The following SYT4 variants were observed in gnomAD, a reference collection of about 807,000 sequenced individuals.
SYT4 encodes synaptotagmin 4, also known as synaptotagmin-4.
Under a neutral mutation model 32.9 loss-of-function variants are expected in SYT4, and 7 were observed. The ratio of observed to expected loss-of-function variants is 0.21; its 90% CI spans 0.12 to 0.40. The LOEUF (loss-of-function observed/expected upper bound fraction) is 0.40. Ranked by LOEUF, SYT4 falls within the 10% of genes least tolerant of loss-of-function variation. The pLI is 1.00. For missense variants in SYT4, 480 were observed against 488.0 expected, an observed-to-expected ratio of 0.98 and a Z score of 0.16; for synonymous variants, 205 against 186.2, an observed-to-expected ratio of 1.10 and a Z score of -0.82.
rs1438046074 is a variant in SYT4 at position 43,271,842 on chromosome 18, G to A, written c.850-10C>T. On this transcript the variant is annotated splice_polypyrimidine_tract_variant and intron_variant, in intron 2 of 3. Coordinates refer to ENST00000255224, the MANE Select transcript of SYT4 (RefSeq NM_020783.4). ...CCCGTCCTGAAGACTTCTGCAGAAA[G>A]AGAAATGTGATATAAGTATTTCTAT... is the stretch of plus-strand genomic sequence containing the variant. The A allele has an allele frequency of 5.0e-6, 8 of 1,609,572 alleles. No individual in the cohort carries two copies. Among genetic ancestry groups the A allele is most frequent in the Non-Finnish European group, 6.8e-6 (8 of 1,177,344 alleles).
rs771464914 is a variant in SYT4 at position 43,273,612 on chromosome 18, T to G, written c.817A>C (p.Met273Leu). The G allele has an allele frequency of 2.5e-6, 4 of 1,612,788 alleles. No individual in the cohort carries two copies. The highest frequency in any genetic ancestry group is 3.4e-6 in the Non-Finnish European group (4 of 1,179,386). Residue 273 changes from methionine to leucine, a missense_variant, in exon 2 of 4, where the codon ATG (methionine) becomes CTG (leucine). Coordinates refer to ENST00000255224, the MANE Select transcript of SYT4 (RefSeq NM_020783.4). ...GIELSEGKML[M>L]NREIIKRNVR... is the part of the protein sequence containing the mutation. ...TTTCTCTTGATGATCTCTCTATTCA[T>G]TAACATTTTTCCTTCAGATAATTCA... is the stretch of plus-strand genomic sequence containing the variant.
chr18:43,271,632 A>G, intron 3 of SYT4, 80 bp downstream of exon 3: 1 of 1,555,066 alleles, frequency 6.4e-7, no homozygotes, highest in South Asian at 1.2e-5. Flanking sequence ...AAGATAGAAG[A>G]GTAAGAGTAG....
chr18:43,270,349 C>A lies in SYT4; in HGVS notation c.1270G>T (p.Asp424Tyr), dbSNP rs1487634590. ...AACTCACGGCTAGGATGCTAACCAT[C>A]ACAGAGCACGTGCCACTTGGCAATT... Reference protein sequence around the residue: ...RQIAKWHVLCDG With the variant: ...RQIAKWHVLCYG The change falls in exon 4 of 4, where the codon GAT (aspartate) becomes TAT (tyrosine). Residue 424 changes from aspartate (D) to tyrosine (Y), a missense_variant. Asp to Tyr is a radical substitution (Grantham distance 160, BLOSUM62 -3). Coordinates refer to ENST00000255224, the MANE Select transcript of SYT4 (RefSeq NM_020783.4). 1.9e-6 allele frequency: 3 copies of A among 1,613,758 alleles called. No individual in the cohort carries two copies. The African/African-American group carries it at 4.0e-5, about 22-fold the overall frequency.
In SYT4 at chr18:43,268,387, G is replaced by A. The variant is rs1003411786; in HGVS notation, c.*1954C>T. ...ATCCATTTTAATTTTAAAAATGTTT[G>A]TTGTTGGTTTCATTGTTCCATGTTA... On this transcript the variant is annotated 3_prime_UTR_variant, in exon 4 of 4. Transcript: ENST00000255224. 7.2e-6 allele frequency: 1 copy of A among 138,250 alleles called. No homozygotes were observed. The highest frequency in any genetic ancestry group is 8.0e-5 in the Admixed American group (1 of 12,480). 8.6% of individuals were successfully genotyped at this position (138,250 alleles called of 1,614,324 possible). A position where few individuals can be genotyped will look rare whatever the true frequency, so the allele number is the denominator to read the frequency against.
At position 43,270,505 on chromosome 18, in the gene SYT4, C is replaced by T. The variant is rs1908596166; in HGVS notation, c.1114G>A (p.Val372Ile). 4 of 1,614,066 alleles carry T rather than the reference C, an allele frequency of 2.5e-6. No homozygotes were observed. The highest frequency in any genetic ancestry group is 3.4e-6 in the Non-Finnish European group (4 of 1,179,976). ...TCAGAATCCAAAACCAAAAATTCAA[C>T]ACTTATATCTTCAAGGCCCTCACAA... ...IPCEGLEDIS[V>I]EFLVLDSERG... Residue 372 changes from valine to isoleucine, a missense_variant, in exon 4 of 4, where the codon GTT (valine) becomes ATT (isoleucine). Physicochemically the swap from Val to Ile is conservative, Grantham distance 29 (BLOSUM62 3). Coordinates refer to ENST00000255224, the MANE Select transcript of SYT4 (RefSeq NM_020783.4).
At position 43,270,276 on chromosome 18, in the gene SYT4, TAGAA is replaced by T. The variant is rs1351938408; in HGVS notation, c.*61_*64del. 1.3e-6 allele frequency: 2 copies of T among 1,539,214 alleles called. No individual in the cohort carries two copies. Among genetic ancestry groups the T allele is most frequent in the East Asian group, 4.5e-5 (2 of 44,208 alleles). ...GATTTCCCAAGCTTGCAATCCAATA[TAGAA>T]AGAAAGAAAATTTCTCCTTGCCTAG... On this transcript the variant is annotated 3_prime_UTR_variant, in exon 4 of 4. Coordinates refer to ENST00000255224, the MANE Select transcript of SYT4 (RefSeq NM_020783.4).
chr18:43,267,917 TGTCTTACAAACATG>T lies in SYT4; in HGVS notation c.*2410_*2423del, dbSNP rs987430882. On this transcript the variant is annotated 3_prime_UTR_variant, in exon 4 of 4. Coordinates refer to ENST00000255224, the MANE Select transcript of SYT4 (RefSeq NM_020783.4). Reference sequence around the variant, plus strand: ...TTGGGCAAAAGCAGCAATTTATTCATGTCTTACAAACATGGTCTTACAAACATCATACAGAGCTG... The same window carrying T: ...TTGGGCAAAAGCAGCAATTTATTCATGTCTTACAAACATCATACAGAGCTG... The T allele has an allele frequency of 4.6e-5, 7 of 152,216 alleles. No homozygotes were observed. The highest frequency in any genetic ancestry group is 2.6e-4 in the Admixed American group (4 of 15,278). 9.4% of individuals were successfully genotyped at this position (152,216 alleles called of 1,614,324 possible).
intron 2 of SYT4, chr18:43,272,128 A>C (rs1391757383): frequency 1.1e-5 from 2 of 180,598 alleles, no homozygotes; most frequent in Non-Finnish European, 2.3e-5. Flanking sequence ...TATCCTACAC[A>C]GGATTATTTT....
chr18:43,270,880 G>A (rs1908608700), intron 3 of SYT4, among the ~76,000 whole-genome samples: 1 of 151,770 alleles, frequency 6.6e-6, no homozygotes, highest in Non-Finnish European at 1.5e-5. Context: ...GAGAATAAGG[G>A]AAAAAATTAA....
Position 43,277,242 on chromosome 18 carries a change from G to T in SYT4, c.34+6C>A. The T allele has an allele frequency of 6.2e-7, 1 of 1,613,980 alleles. No individual in the cohort carries two copies. Among genetic ancestry groups the T allele is most frequent in the Middle Eastern group, 1.6e-4 (1 of 6,062 alleles). ...ACCGCAGTCATAAGTTCAGTAACTTGCTTACCAAATTCTTCCCGGCTGGTG... is the reference window on the plus strand; with the variant it reads ...ACCGCAGTCATAAGTTCAGTAACTTTCTTACCAAATTCTTCCCGGCTGGTG... On this transcript the variant is annotated splice_donor_region_variant and intron_variant, in intron 1 of 3. Coordinates refer to ENST00000255224, the MANE Select transcript of SYT4 (RefSeq NM_020783.4).
Position 43,271,762 on chromosome 18 carries a change from A to G in SYT4, c.920T>C (p.Val307Ala), listed in dbSNP as rs1329159879. Residue 307 changes from valine (V) to alanine (A), a missense_variant, in exon 3 of 4, where the codon GTT becomes GCT. Val to Ala is a moderately conservative substitution (Grantham distance 64). Transcript: ENST00000255224. Reference protein sequence around the residue: ...YQSTTNTLTVVVLKARHLPKS... With the variant: ...YQSTTNTLTVAVLKARHLPKS... ...AGGCAGATGTCGAGCTTTTAAGACA[A>G]CCACAGTTAGAGTGTTTGTGGTGGA... 3 of 1,613,246 alleles carry G rather than the reference A, an allele frequency of 1.9e-6. No homozygotes were observed. Among genetic ancestry groups the G allele is most frequent in the Non-Finnish European group, 2.5e-6 (3 of 1,179,340 alleles).
At chr18:43,272,884 T>C (rs1368644074) in intron 2 of SYT4, among the ~76,000 whole-genome samples, 2 of 152,208 alleles carry the variant, frequency 1.3e-5, no homozygotes, top group Admixed American at 6.5e-5. Flanking sequence ...AGTATGTCTA[T>C]TGATTTTTAT....
intron 2 of SYT4, among the ~76,000 whole-genome samples, chr18:43,272,713 C>G (rs1186320945): frequency 1.3e-5 from 2 of 152,038 alleles, no homozygotes; most frequent in African/African-American, 2.4e-5. Flanking sequence ...GAAGAAAGAT[C>G]CTTATTCCCA....
At chr18:43,274,499 T>C (rs970825426) in intron 1 of SYT4, 105 bp from the exon 2 acceptor site, 7 of 874,528 alleles carry the variant, frequency 8.0e-6, no homozygotes, top group Non-Finnish European at 1.2e-5. Flanking sequence ...GTTGGATAGA[T>C]TGAATTACTT....
rs1396071226 is a variant in SYT4, at chr18:43,273,646, G to C, written c.783C>G (p.Leu261=). ...TTCCTTCAGATAATTCAATTCCCGA[G>C]AGAGGAATTAGAACTTCCCCAATGA... The part of the protein sequence containing the change: ...DDIIGEVLIP[L]SGIELSEGKM... The change falls in exon 2 of 4, where the codon CTC becomes CTG. Residue 261 remains leucine, a synonymous_variant. Coordinates refer to ENST00000255224, the MANE Select transcript of SYT4 (RefSeq NM_020783.4). 4 of 1,613,520 alleles carry C rather than the reference G, an allele frequency of 2.5e-6. No individual in the cohort carries two copies. Among genetic ancestry groups the C allele is most frequent in the African/African-American group, 1.3e-5 (1 of 74,876 alleles).
At chr18:43,271,194 T>C (rs554404075) in intron 3 of SYT4, among the ~76,000 whole-genome samples, 101 of 152,302 alleles carry the variant, frequency 6.6e-4, no homozygotes, top group African/African-American at 2.4e-3. Context: ...CTCTGTGTCA[T>C]TGTTAGTATG....
intron 1 of SYT4, among the ~76,000 whole-genome samples, chr18:43,275,797 G>T (rs1189879783): frequency 6.6e-6 from 1 of 151,964 alleles, no homozygotes; most frequent in African/African-American, 2.4e-5. Flanking sequence ...GTGGAAAAAA[G>T]AAACAGTGAC....
intron 1 of SYT4, 71 bp downstream of exon 1, chr18:43,277,177 T>C: frequency 6.3e-7 from 1 of 1,583,920 alleles, no homozygotes; most frequent in Non-Finnish European, 8.6e-7. Context: ...GGGCAAAAAA[T>C]AAATGAATAA....
chr18:43,273,559 T>A, intron 2 of SYT4, 21 bp downstream of exon 2: 1 of 1,534,074 alleles, frequency 6.5e-7, no homozygotes, highest in East Asian at 2.3e-5. Flanking sequence ...ATAAATACTT[T>A]AAGCACTGAA....
Sources: gnomAD v4.1 joint callset for allele counts (sites outside exome capture counted in the v4.1 genomes callset) on GRCh38, gnomAD v4.1.1 for gene constraint, MANE v1.5 for transcripts, NCBI Gene and HGNC (gene_info 2026-07-23, HGNC 2026-07-21) for gene names.